Variants in RNF152 observed in about 807,000 individuals in gnomAD.
RNF152 encodes the protein ring finger protein 152.
Under a neutral mutation model 12.7 loss-of-function variants are expected in RNF152, and 11 were observed. The observed-to-expected ratio is 0.86, with a 90% CI of 0.54 to 1.43. The LOEUF (loss-of-function observed/expected upper bound fraction) is 1.43, where lower values mean the gene tolerates loss of function less well. RNF152 is among the 40% of genes most tolerant of loss of function. The probability of loss-of-function intolerance (pLI) is 0.00; values close to 1 mark genes in which losing one functional copy is unlikely to be tolerated. For synonymous variants in RNF152, 113 were observed against 120.3 expected (o/e 0.94, Z 0.40); for missense variants, 255 against 274.8 (o/e 0.93, Z 0.51).
chr18:61,860,434 T>A (rs1344940581), intron 1 of RNF152, among the ~76,000 whole-genome samples: 2 of 152,240 alleles, frequency 1.3e-5, no homozygotes, highest in African/African-American at 4.8e-5. Context: ...AAGATTATAA[T>A]GGAGCTGGAA....
At chr18:61,867,816 G>C (rs756921077) in intron 1 of RNF152, among the ~76,000 whole-genome samples, 3 of 152,112 alleles carry the variant, frequency 2.0e-5, no homozygotes, top group Admixed American at 6.5e-5. Flanking sequence ...GTAAAATACT[G>C]CTCTTAAATC....
At position 61,816,601 on chromosome 18, in the gene RNF152, G is replaced by A; in HGVS notation, c.-135-3C>T. 1.2e-6 allele frequency: 1 copy of A among 831,768 alleles called. No homozygotes were observed. The highest frequency in any genetic ancestry group is 1.9e-6 in the Non-Finnish European group (1 of 523,918). 51.5% of individuals were successfully genotyped at this position (831,768 alleles called of 1,614,324 possible). ...AGTACTCACAGGTGTGTTCATTTCT[G>A]AGAGAGACAAATAATGCAAACAATC... On this transcript the variant is annotated splice_region_variant and splice_polypyrimidine_tract_variant and intron_variant, in intron 1 of 1. Transcript: ENST00000312828.
In RNF152 at chr18:61,820,331, C is replaced by CAAAAAA. The variant is rs1344591753; in HGVS notation, c.-135-3739_-135-3734dup. Among the ~76,000 whole-genome samples the CAAAAAA allele has an allele frequency of 8.9e-3, 355 of 39,940 alleles. 131 individuals are homozygous for CAAAAAA. Among genetic ancestry groups the CAAAAAA allele is most frequent in the East Asian group, 0.017 (16 of 916 alleles). 26.2% of individuals were successfully genotyped at this position (39,940 alleles called of 152,430 possible). On this transcript the variant is annotated intron_variant, in intron 1 of 1. Transcript: ENST00000312828. The stretch of plus-strand genomic sequence containing the variant: ...GTGACAGAGAGAGACTCCGTCTCAC[C>CAAAAAA]AAAAAAAAAAAAAAAAAAAAAAAAA...
chr18:61,889,364 T>C (rs1912844462), intron 1 of RNF152, among the ~76,000 whole-genome samples: 1 of 152,224 alleles, frequency 6.6e-6, no homozygotes, highest in Non-Finnish European at 1.5e-5. Flanking sequence ...TTAAGGTATT[T>C]ATCAAATCTT....
chr18:61,876,509 G>A (rs1912220135), intron 1 of RNF152, among the ~76,000 whole-genome samples: 1 of 152,196 alleles, frequency 6.6e-6, no homozygotes, highest in African/African-American at 2.4e-5. Context: ...ATATACAGAT[G>A]TTAGTCGAAG....
Position 61,808,900 on chromosome 18 carries a change from G to C in RNF152, c.*6952C>G, listed in dbSNP as rs1485942335. ...CTAACAATCCAAACCACGAGCATAG[G>C]ATAGGGTGATAGGGAAAATGGGGAC... On this transcript the variant is annotated 3_prime_UTR_variant, in exon 2 of 2. Coordinates refer to ENST00000312828, the MANE Select transcript of RNF152 (RefSeq NM_173557.3). 6.6e-6 allele frequency: 1 copy of C among 152,194 alleles called. No individual in the cohort carries two copies. The highest frequency in any genetic ancestry group is 1.5e-5 in the Non-Finnish European group (1 of 68,064). 9.4% of individuals were successfully genotyped at this position (152,194 alleles called of 1,614,324 possible). A position where few individuals can be genotyped will look rare whatever the true frequency, so the allele number is the denominator to read the frequency against.
At chr18:61,846,300 A>G (rs2144684588) in intron 1 of RNF152, among the ~76,000 whole-genome samples, 1 of 152,180 alleles carries the variant, frequency 6.6e-6, no homozygotes, top group African/African-American at 2.4e-5. Context: ...GGGAGCTTCC[A>G]TGGTGTCATG....
At chr18:61,864,836 T>C (rs142300480) in intron 1 of RNF152, among the ~76,000 whole-genome samples, 4,855 of 152,230 alleles carry the variant, frequency 0.032, 270 homozygotes, top group African/African-American at 0.11. Context: ...CTGGCTAACA[T>C]GGTGAAACCC....
chr18:61,866,308 G>A (rs908867953), intron 1 of RNF152, among the ~76,000 whole-genome samples: 12 of 152,136 alleles, frequency 7.9e-5, no homozygotes, highest in Non-Finnish European at 1.5e-4. Flanking sequence ...CCTTATACAC[G>A]GGGACTCGTT....
chr18:61,835,775 C>A (rs1039705833), intron 1 of RNF152, among the ~76,000 whole-genome samples: 5 of 152,136 alleles, frequency 3.3e-5, no homozygotes, highest in Non-Finnish European at 5.9e-5. Context: ...GTAAAGCAGT[C>A]TTGAACTTTA....
chr18:61,885,613 C>T (rs1290277993), intron 1 of RNF152, among the ~76,000 whole-genome samples: 1 of 152,128 alleles, frequency 6.6e-6, no homozygotes, highest in Non-Finnish European at 1.5e-5. Flanking sequence ...CAGCCGAGAG[C>T]GTTATTTTAA....
intron 1 of RNF152, among the ~76,000 whole-genome samples, chr18:61,829,577 GGA>G (rs1350748131): frequency 1.4e-5 from 2 of 139,426 alleles, no homozygotes; most frequent in Non-Finnish European, 3.2e-5. Flanking sequence ...ATTGGGGGAA[GGA>G]GAGAGAGAGA....
chr18:61,872,599 C>T (rs1037360392), intron 1 of RNF152, among the ~76,000 whole-genome samples: 4 of 152,116 alleles, frequency 2.6e-5, no homozygotes, highest in Admixed American at 6.5e-5. Context: ...AAAGTTAGGC[C>T]TCTTTCCCTT....
chr18:61,892,385 G>A (rs544743762), intron 1 of RNF152, among the ~76,000 whole-genome samples: 2 of 152,262 alleles, frequency 1.3e-5, no homozygotes, highest in South Asian at 4.2e-4. Context: ...AGAGCACTGG[G>A]CAAAAGTACA....
intron 1 of RNF152, among the ~76,000 whole-genome samples, chr18:61,884,228 G>T (rs181052790): frequency 0.038 from 4,365 of 114,668 alleles, 86 homozygotes; most frequent in Non-Finnish European, 0.055. Flanking sequence ...CCCCCATTTT[G>T]CAGCTGAAGA....
intron 1 of RNF152, among the ~76,000 whole-genome samples, chr18:61,839,358 T>A (rs2144667404): frequency 6.6e-6 from 1 of 152,342 alleles, no homozygotes; most frequent in Admixed American, 6.5e-5. Context: ...TTCATAACGT[T>A]CACAGTTTTA....
intron 1 of RNF152, among the ~76,000 whole-genome samples, chr18:61,881,888 A>T (rs1195289862): frequency 6.6e-6 from 1 of 152,238 alleles, no homozygotes; most frequent in African/African-American, 2.4e-5. Flanking sequence ...CAGTCTTCTT[A>T]TAGGACAGTG....
intron 1 of RNF152, among the ~76,000 whole-genome samples, chr18:61,828,908 C>T (rs548225361): frequency 9.9e-5 from 15 of 152,154 alleles, no homozygotes; most frequent in South Asian, 6.2e-4. Context: ...ATACTTCACG[C>T]GGGAGTATCA....
chr18:61,867,443 CACCATCTCAAAAAAAA>C (rs1911787535), intron 1 of RNF152, among the ~76,000 whole-genome samples: 1 of 150,424 alleles, frequency 6.6e-6, no homozygotes, highest in Non-Finnish European at 1.5e-5. Flanking sequence ...CAGAGTGAGA[CACCATCTCAAAAAAAA>C]AAAAGAGATG....
Sources: gnomAD v4.1 joint callset for allele counts (sites outside exome capture counted in the v4.1 genomes callset) on GRCh38, gnomAD v4.1.1 for gene constraint, MANE v1.5 for transcripts, NCBI Gene and HGNC (gene_info 2026-07-23, HGNC 2026-07-21) for gene names.